The following SORCS2 variants were observed in gnomAD, a reference collection of about 807,000 sequenced individuals.
The protein encoded by SORCS2 is VPS10 domain-containing receptor SorCS2.
Under a neutral mutation model 141.6 loss-of-function variants are expected in SORCS2, and 100 were observed. That is an observed-to-expected ratio of 0.71 (90% CI 0.60 to 0.83). SORCS2 has a LOEUF of 0.83. SORCS2 is among the 40% of genes least tolerant of loss of function. SORCS2 has a pLI of 0.00. For missense variants in SORCS2, 1,646 were observed against 1,560.2 expected (o/e 1.05, Z -0.93); for synonymous variants, 789 against 676.9 (o/e 1.17, Z -2.57).
intron 1 of SORCS2, among the ~76,000 whole-genome samples, chr4:7,330,487 A>G (rs1366886644): frequency 2.6e-5 from 4 of 151,572 alleles, no homozygotes; most frequent in East Asian, 4.0e-4. Context: ...TCCAAGTCCA[A>G]TGCTGCCTGA....
chr4:7,407,593 T>C (rs956711945), intron 2 of SORCS2, among the ~76,000 whole-genome samples: 2 of 152,154 alleles, frequency 1.3e-5, no homozygotes, highest in African/African-American at 2.4e-5. Flanking sequence ...GGGTTTCTCA[T>C]AGGCATGATA....
intron 2 of SORCS2, chr4:7,434,164 A>G: frequency 6.2e-7 from 1 of 1,613,864 alleles, no homozygotes; most frequent in Non-Finnish European, 8.5e-7. Context: ...GAGAAGCCTC[A>G]GTGCTTGGTC....
At chr4:7,325,774 C>T (rs188146179) in intron 1 of SORCS2, among the ~76,000 whole-genome samples, 5 of 152,188 alleles carry the variant, frequency 3.3e-5, no homozygotes, top group African/African-American at 7.2e-5. Context: ...TCCCTCCCCC[C>T]ACGCCCACCC....
chr4:7,738,825 G>C (rs966494585), intron 26 of SORCS2, among the ~76,000 whole-genome samples: 8 of 152,156 alleles, frequency 5.3e-5, no homozygotes, highest in African/African-American at 1.9e-4. Context: ...CTTGAGAGGG[G>C]TCAGGGCAGC....
At chr4:7,319,020 C>A (rs994746859) in intron 1 of SORCS2, among the ~76,000 whole-genome samples, 1 of 152,150 alleles carries the variant, frequency 6.6e-6, no homozygotes, top group South Asian at 2.1e-4. Flanking sequence ...TTCCACTTAG[C>A]ATAATGCATT....
intron 3 of SORCS2, among the ~76,000 whole-genome samples, chr4:7,618,378 C>A (rs1356865141): frequency 6.6e-6 from 1 of 152,164 alleles, no homozygotes; most frequent in African/African-American, 2.4e-5. Flanking sequence ...GACCCCAGCC[C>A]CTCTGTCTGC....
chr4:7,544,512 G>A (rs1258301120), intron 3 of SORCS2, among the ~76,000 whole-genome samples: 1 of 152,220 alleles, frequency 6.6e-6, no homozygotes, highest in African/African-American at 2.4e-5. Context: ...CAGGCTCAGG[G>A]CGGCCAGCAG....
chr4:7,610,198 G>A (rs953524989), intron 3 of SORCS2, among the ~76,000 whole-genome samples: 10 of 152,198 alleles, frequency 6.6e-5, no homozygotes, highest in Non-Finnish European at 1.0e-4. Context: ...GCAATTAGCC[G>A]CGGTTGGAAT....
rs61738663 is a variant in SORCS2, at chr4:7,434,424, T to C, written c.548+38069T>C. ...CCTCAAAGGTGTCCTCTTTGGAGAG[T>C]GGCCTCAGGGTGGCCAGGTGCCTCT... On this transcript the variant is annotated intron_variant, in intron 2 of 26. Coordinates refer to ENST00000507866, the MANE Select transcript of SORCS2 (RefSeq NM_020777.3). 13,248 of 1,608,780 alleles carry C rather than the reference T, an allele frequency of 8.2e-3. 926 individuals carry two copies. The African/African-American group carries it at 0.16, about 19-fold the overall frequency.
intron 2 of SORCS2, among the ~76,000 whole-genome samples, chr4:7,509,523 G>T (rs532142258): frequency 6.6e-6 from 1 of 152,150 alleles, no homozygotes; most frequent in Non-Finnish European, 1.5e-5. Flanking sequence ...ATACTCACCC[G>T]CACTCGCCAC....
At chr4:7,508,898 G>C (rs1304949463) in intron 2 of SORCS2, among the ~76,000 whole-genome samples, 1 of 152,238 alleles carries the variant, frequency 6.6e-6, no homozygotes, top group African/African-American at 2.4e-5. Flanking sequence ...TCTGGAGGGA[G>C]TGAGCAGAAG....
intron 2 of SORCS2, among the ~76,000 whole-genome samples, chr4:7,416,656 G>A (rs1404167698): frequency 6.6e-6 from 1 of 151,872 alleles, no homozygotes; most frequent in East Asian, 1.9e-4. Flanking sequence ...ACACATGCAT[G>A]CATGCACACA....
chr4:7,550,865 C>T (rs1713645468), intron 3 of SORCS2, among the ~76,000 whole-genome samples: 1 of 152,170 alleles, frequency 6.6e-6, no homozygotes, highest in South Asian at 2.1e-4. Context: ...GCCCTTTTTC[C>T]ATCTGTCTCA....
Position 7,648,646 on chromosome 4 carries a change from C to T in SORCS2, c.814-5488C>T, listed in dbSNP as rs780181033. On this transcript the variant is annotated intron_variant, in intron 4 of 26. Transcript: ENST00000507866. This position sits in a 1 kb window ranked among gnomAD's most constrained non-coding sequence, Gnocchi z 4.2. ...AGCTGCTGGGTCTACTGAGGGCGGG[C>T]GGGGAGTGAGGGGGCTGCCAAGCGG... is the stretch of plus-strand genomic sequence containing the variant. 2.8e-5 allele frequency among the ~76,000 whole-genome samples: 4 copies of T among 143,450 alleles called. No homozygotes were observed. The highest frequency in any genetic ancestry group is 6.1e-5 in the Non-Finnish European group (4 of 65,444). 94.1% of individuals were successfully genotyped at this position (143,450 alleles called of 152,430 possible). A position where few individuals can be genotyped will look rare whatever the true frequency, so the allele number is the denominator to read the frequency against.
At chr4:7,222,430 A>G (rs945841969) in intron 1 of SORCS2, among the ~76,000 whole-genome samples, 2 of 152,224 alleles carry the variant, frequency 1.3e-5, no homozygotes, top group African/African-American at 4.8e-5. Context: ...TGTCTAGAAT[A>G]GAGACAGCCA....
chr4:7,422,106 A>G (rs1726112804), intron 2 of SORCS2, among the ~76,000 whole-genome samples: 1 of 152,122 alleles, frequency 6.6e-6, no homozygotes, highest in South Asian at 2.1e-4. Flanking sequence ...CAAGTCCACC[A>G]TCTTGTACGG....
chr4:7,244,480 T>TGTTGCATATTA (rs1351153415), intron 1 of SORCS2, among the ~76,000 whole-genome samples: 28 of 152,222 alleles, frequency 1.8e-4, no homozygotes, highest in Non-Finnish European at 1.6e-4. Flanking sequence ...CCTCGGTCGC[T>TGTTGCATATTA]GTTGCATATT....
At chr4:7,529,458 C>T (rs1022469985) in intron 2 of SORCS2, among the ~76,000 whole-genome samples, 4 of 152,228 alleles carry the variant, frequency 2.6e-5, no homozygotes, top group African/African-American at 4.8e-5. Flanking sequence ...CTGCAGGCCA[C>T]TCCTGGCAGG....
At chr4:7,338,210 A>ATGT (rs1720125832) in intron 1 of SORCS2, among the ~76,000 whole-genome samples, 3 of 143,964 alleles carry the variant, frequency 2.1e-5, no homozygotes, top group Non-Finnish European at 3.0e-5. Flanking sequence ...TGTTGGTTGG[A>ATGT]TGGATGGATG....
Sources: allele counts gnomAD v4.1 joint callset (sites outside exome capture counted in the v4.1 genomes callset), GRCh38; gene constraint gnomAD v4.1.1; non-coding constraint Gnocchi (gnomAD v3.1); transcripts MANE v1.5; gene names NCBI Gene and HGNC (gene_info 2026-07-23, HGNC 2026-07-21).